The following BEND2 variants were observed in gnomAD, a reference collection of about 807,000 sequenced individuals.
The protein encoded by BEND2 is BEN domain-containing protein 2.
In BEND2, 19 loss-of-function variants were observed where a neutral mutation model predicts 43.8. That is an observed-to-expected ratio of 0.43 (90% CI 0.30 to 0.64). The LOEUF (loss-of-function observed/expected upper bound fraction) is 0.64, where lower values mean the gene tolerates loss of function less well. Ranked by LOEUF, BEND2 falls within the 30% of genes least tolerant of loss-of-function variation. The probability of loss-of-function intolerance (pLI) is 0.11; values close to 1 mark genes in which losing one functional copy is unlikely to be tolerated. For missense variants in BEND2, 544 were observed against 574.0 expected (o/e 0.95, Z 0.53); for synonymous variants, 226 against 210.1 (o/e 1.08, Z -0.66).
intron 1 of BEND2, among the ~76,000 whole-genome samples, chrX:18,220,127 GA>G (rs775892716): frequency 3.5e-4 from 39 of 111,370 alleles, no homozygotes; most frequent in Non-Finnish European, 7.2e-4. Flanking sequence ...GGCACCCCGG[GA>G]GAGGCGGCGG....
At chrX:18,179,502 C>T (rs1280587885) in intron 9 of BEND2, among the ~76,000 whole-genome samples, 1 of 110,602 alleles carries the variant, frequency 9.0e-6, no homozygotes, top group East Asian at 2.8e-4. Context: ...GTTTGAGTAA[C>T]AAAATAGTTT....
At chrX:18,209,229 C>T (rs753944126) in intron 4 of BEND2, among the ~76,000 whole-genome samples, 6 of 111,773 alleles carry the variant, frequency 5.4e-5, no homozygotes, top group African/African-American at 1.9e-4. Flanking sequence ...GGACAGCTCT[C>T]CCTTGCAAAT....
At chrX:18,218,862 A>AAAAAC (rs1460975019) in intron 1 of BEND2, among the ~76,000 whole-genome samples, 1 of 112,369 alleles carries the variant, frequency 8.9e-6, no homozygotes, top group Non-Finnish European at 1.9e-5. Context: ...TCTGCCTCAA[A>AAAAAC]AAAACAAAAC....
Position 18,162,971 on chromosome X carries a change from A to G in BEND2, c.*2038T>C, listed in dbSNP as rs1290194410. On this transcript the variant is annotated 3_prime_UTR_variant, in exon 14 of 14. Transcript: ENST00000380033. ...TGTTTATTTATTGTATCTATTTGGG[A>G]AACAAAACATTAAAGATACATTTAT... 1 of 112,335 alleles carries G rather than the reference A, an allele frequency of 8.9e-6. No homozygotes were observed. The highest frequency in any genetic ancestry group is 2.8e-4 in the East Asian group (1 of 3,610). The allele number at this position is 112,335 out of a possible 1,213,427, so 9.3% of individuals were successfully genotyped here.
chrX:18,195,008 A>G (rs866349655), intron 7 of BEND2, among the ~76,000 whole-genome samples: 1 of 105,927 alleles, frequency 9.4e-6, no homozygotes, highest in Non-Finnish European at 1.9e-5. Context: ...CACACACACA[A>G]ATAAATACAA....
chrX:18,176,088 G>T lies in BEND2; in HGVS notation c.1636C>A (p.Leu546Met). The T allele has an allele frequency of 8.4e-7, 1 of 1,187,034 alleles. No homozygotes were observed. ...TCACAGGTGGGAAAAGTTGTTGCCA[G>T]ATATTCTGCAAACAGCAGAAAGTAT... Reference protein sequence around the residue: ...PNKMAALREYLATTFPTCDLH... With the variant: ...PNKMAALREYMATTFPTCDLH... The change falls in exon 11 of 14, where the codon CTG (leucine) becomes ATG (methionine). Residue 546 changes from leucine to methionine, a missense_variant. Transcript: ENST00000380033.
chrX:18,202,482 A>C (rs770635872), intron 5 of BEND2, among the ~76,000 whole-genome samples: 3 of 111,924 alleles, frequency 2.7e-5, no homozygotes, highest in Non-Finnish European at 5.6e-5. Flanking sequence ...GGCCCTTATA[A>C]AAGAGGCTTC....
chrX:18,208,442 C>A (rs1221348451), intron 4 of BEND2, among the ~76,000 whole-genome samples: 2 of 110,849 alleles, frequency 1.8e-5, no homozygotes, highest in African/African-American at 6.6e-5. Context: ...GCCAAGATTG[C>A]GCCACTGCAC....
intron 8 of BEND2, among the ~76,000 whole-genome samples, chrX:18,187,694 G>A (rs1373258209): frequency 8.9e-6 from 1 of 111,926 alleles, no homozygotes; most frequent in Non-Finnish European, 1.9e-5. Flanking sequence ...TTCTGCAGCT[G>A]TTCTGCAAAT....
chrX:18,176,229 C>A (rs139868300), intron 10 of BEND2, 136 bp from the exon 11 acceptor site: 33 of 465,810 alleles, frequency 7.1e-5, no homozygotes, highest in African/African-American at 6.4e-4. Context: ...TCTTCTCTTT[C>A]TACTTCTCAT....
At chrX:18,186,399 A>G (rs1841710522) in intron 8 of BEND2, among the ~76,000 whole-genome samples, 1 of 103,385 alleles carries the variant, frequency 9.7e-6, no homozygotes, top group Non-Finnish European at 2.0e-5. Flanking sequence ...CAGAGGTTGC[A>G]GTGAGCCGAG....
At chrX:18,178,375 G>A (rs914872290) in intron 9 of BEND2, among the ~76,000 whole-genome samples, 22 of 111,099 alleles carry the variant, frequency 2.0e-4, no homozygotes, top group African/African-American at 6.9e-4. Context: ...TAAGGAGACT[G>A]AGGCCCAAAG....
chrX:18,202,291 A>T (rs755266673), intron 5 of BEND2, among the ~76,000 whole-genome samples: 3 of 112,415 alleles, frequency 2.7e-5, no homozygotes, highest in African/African-American at 9.7e-5. Context: ...AAAACTAAAC[A>T]TGCATATGTC....
At chrX:18,176,134 A>C in intron 10 of BEND2, 41 bp from the exon 11 acceptor site, 1 of 1,161,144 alleles carries the variant, frequency 8.6e-7, no homozygotes, top group East Asian at 3.0e-5. Flanking sequence ...TAGAAAAAAA[A>C]ATTAACAAAC....
At chrX:18,202,938 T>C (rs1925212870) in intron 5 of BEND2, among the ~76,000 whole-genome samples, 1 of 111,794 alleles carries the variant, frequency 8.9e-6, no homozygotes, top group Admixed American at 9.6e-5. Context: ...CATGGAATAG[T>C]ACTTGGCAAT....
chrX:18,175,840 C>G (rs1461134903), intron 11 of BEND2, 132 bp downstream of exon 11: 3 of 529,604 alleles, frequency 5.7e-6, no homozygotes, highest in Non-Finnish European at 8.3e-6. Flanking sequence ...GAAAGAACAT[C>G]CCATGCCCCC....
At chrX:18,185,201 A>T (rs1310152255) in intron 8 of BEND2, among the ~76,000 whole-genome samples, 1 of 109,952 alleles carries the variant, frequency 9.1e-6, no homozygotes, top group Non-Finnish European at 1.9e-5. Flanking sequence ...GGCCTTAAAG[A>T]GGACATCGAG....
At chrX:18,172,273 CA>C (rs1196208718) in intron 12 of BEND2, among the ~76,000 whole-genome samples, 1 of 110,829 alleles carries the variant, frequency 9.0e-6, no homozygotes, top group Non-Finnish European at 1.9e-5. Context: ...TTAATGGGTC[CA>C]AAGACTTAAC....
intron 11 of BEND2, among the ~76,000 whole-genome samples, chrX:18,175,014 C>T (rs1163702988): frequency 1.8e-5 from 2 of 111,872 alleles, no homozygotes; most frequent in African/African-American, 6.5e-5. Flanking sequence ...TAGTCAAGCA[C>T]ATAGCAGGCA....
Sources: allele counts gnomAD v4.1 joint callset (sites outside exome capture counted in the v4.1 genomes callset), GRCh38; gene constraint gnomAD v4.1.1; transcripts MANE v1.5; gene names NCBI Gene and HGNC (gene_info 2026-07-23, HGNC 2026-07-21).